INPP5E: variants seen among roughly 807,000 people sequenced by gnomAD.
INPP5E encodes phosphatidylinositol polyphosphate 5-phosphatase type IV.
A neutral mutation model predicts 50.5 loss-of-function variants in INPP5E; 34 were observed. The observed-to-expected ratio is 0.67, with a 90% confidence interval of 0.51 to 0.90. The LOEUF (loss-of-function observed/expected upper bound fraction) is 0.90. Among genes scored for constraint, INPP5E ranks in the 40% least tolerant of loss-of-function variants. The pLI is 0.00. For missense variants in INPP5E, 942 were observed against 905.5 expected (o/e 1.04, Z -0.52); for synonymous variants, 447 against 406.0 (o/e 1.10, Z -1.21).
intron 6 of INPP5E, 128 bp from the exon 7 acceptor site, chr9:136,432,113 C>T: frequency 8.5e-7 from 1 of 1,179,744 alleles, no homozygotes; most frequent in Non-Finnish European, 1.2e-6. Flanking sequence ...GGGGCCGGGC[C>T]CTCAGGGGTG....
Position 136,429,384 on chromosome 9 carries a change from G to C in INPP5E, c.*291C>G. ...GGAACGGATTCTGACGTCTGCCCCC[G>C]AGAGTGGCTGGGGTCCGTGGTGCTG... On this transcript the variant is annotated 3_prime_UTR_variant, in exon 10 of 10. Coordinates refer to ENST00000371712, the MANE Select transcript of INPP5E (RefSeq NM_019892.6). 1 of 518,004 alleles carries C rather than the reference G, an allele frequency of 1.9e-6. No homozygotes were observed. Among genetic ancestry groups the C allele is most frequent in the South Asian group, 2.0e-5 (1 of 50,088 alleles). 32.1% of individuals were successfully genotyped at this position (518,004 alleles called of 1,614,324 possible).
At position 136,439,679 on chromosome 9, in the gene INPP5E, C is replaced by T. The variant is rs1054701247; in HGVS notation, c.-260G>A. On this transcript the variant is annotated 5_prime_UTR_variant, in exon 1 of 10. Coordinates refer to ENST00000371712, the MANE Select transcript of INPP5E (RefSeq NM_019892.6). Reference sequence around the variant, plus strand: ...CCTGGGGGAACAGGCGGCTGGGCGCCTGTCGCGGGGGAGGTTCGACCCCGA... The same window carrying T: ...CCTGGGGGAACAGGCGGCTGGGCGCTTGTCGCGGGGGAGGTTCGACCCCGA... 3 of 330,318 alleles carry T rather than the reference C, an allele frequency of 9.1e-6. No individual in the cohort carries two copies. The highest frequency in any genetic ancestry group is 1.6e-5 in the Non-Finnish European group (3 of 182,736). The allele number at this position is 330,318 out of a possible 1,614,324, so 20.5% of individuals were successfully genotyped here. A position where few individuals can be genotyped will look rare whatever the true frequency, so the allele number is the denominator to read the frequency against.
Position 136,439,147 on chromosome 9 carries a change from C to A in INPP5E, c.273G>T (p.Trp91Cys). ...GGCTGCCTCGAAAACGCCTCCTCCT[C>A]CAGCCCTTGTCGTCCAGGGACAGGG... ...ERALSLDDKGWRRRRFRGSQE... is the reference protein window; with the variant it reads ...ERALSLDDKGCRRRRFRGSQE... Residue 91 changes from tryptophan to cysteine, a missense_variant, in exon 1 of 10, where the codon TGG becomes TGT. By Grantham distance (215) the Trp-to-Cys change is radical. Transcript: ENST00000371712. The A allele has an allele frequency of 1.9e-6, 3 of 1,578,754 alleles. No individual in the cohort carries two copies. The highest frequency in any genetic ancestry group is 2.6e-6 in the Non-Finnish European group (3 of 1,167,048).
Position 136,438,714 on chromosome 9 carries a change from G to A in INPP5E, c.706C>T (p.Pro236Ser). The change falls in exon 1 of 10, where the codon CCC becomes TCC. Residue 236 changes from proline to serine, a missense_variant. Coordinates refer to ENST00000371712, the MANE Select transcript of INPP5E (RefSeq NM_019892.6). The stretch of plus-strand genomic sequence containing the variant: ...GCCAGGGGGCTCCGCGGCCGGCCGG[G>A]GCCCAGGCTGCTGTGGGCCCGCACC... ...LLVRAHSSLG[P>S]GRPRSPLACD... 1 of 1,607,312 alleles carries A rather than the reference G, an allele frequency of 6.2e-7. No individual in the cohort carries two copies. Among genetic ancestry groups the A allele is most frequent in the South Asian group, 1.1e-5 (1 of 90,510 alleles).
Position 136,438,777 on chromosome 9 carries a change from C to T in INPP5E, c.643G>A (p.Asp215Asn), listed in dbSNP as rs1835903155. 1.9e-6 allele frequency: 3 copies of T among 1,611,996 alleles called. No individual in the cohort carries two copies. The highest frequency in any genetic ancestry group is 2.2e-5 in the East Asian group (1 of 44,864). ...SLRTANKVDS[D>N]LADYKLRAQP... ...GCGCGGAGCTTGTAGTCTGCAAGAT[C>T]CGAGTCGACCTTGTTTGCTGTCCTC... Residue 215 changes from aspartate (D) to asparagine (N), a missense_variant, in exon 1 of 10, where the codon GAT (aspartate) becomes AAT (asparagine). Asp to Asn is a conservative substitution (Grantham distance 23). Transcript: ENST00000371712.
At chr9:136,435,007 G>A (rs775726240) in intron 1 of INPP5E, 144 bp from the exon 2 acceptor site, 7 of 1,006,926 alleles carry the variant, frequency 7.0e-6, no homozygotes, top group East Asian at 5.2e-5. Flanking sequence ...TGGCCCCCGC[G>A]GCACTGCTGT....
intron 2 of INPP5E, 71 bp downstream of exon 2, chr9:136,434,669 C>T (rs377313870): frequency 8.4e-6 from 13 of 1,548,022 alleles, no homozygotes; most frequent in East Asian, 4.8e-5. Flanking sequence ...AGAGCTGCCC[C>T]GTCCCCCTCA....
At position 136,438,972 on chromosome 9, in the gene INPP5E, C is replaced by G. The variant is rs1301004362; in HGVS notation, c.448G>C (p.Glu150Gln). The change falls in exon 1 of 10, where the codon GAG (glutamate) becomes CAG (glutamine). Residue 150 changes from glutamate (E) to glutamine (Q), a missense_variant. By Grantham distance (29) the Glu-to-Gln change is conservative. Coordinates refer to ENST00000371712, the MANE Select transcript of INPP5E (RefSeq NM_019892.6). ...IPKSRGVLSS[E>Q]RGSPSSGGNP... ...CCCCCCGAGGACGGGCTCCCTCTCTCACTGCTCAGGACCCCGCGGGACTTG... is the reference window on the plus strand; with the variant it reads ...CCCCCCGAGGACGGGCTCCCTCTCTGACTGCTCAGGACCCCGCGGGACTTG... The G allele has an allele frequency of 6.3e-7, 1 of 1,578,866 alleles. No individual in the cohort carries two copies. Among genetic ancestry groups the G allele is most frequent in the Non-Finnish European group, 8.6e-7 (1 of 1,162,896 alleles).
At position 136,430,899 on chromosome 9, in the gene INPP5E, CA is replaced by C. The variant is rs1835683075; in HGVS notation, c.1665+102del. On this transcript the variant is annotated intron_variant, in intron 8 of 9. Coordinates refer to ENST00000371712, the MANE Select transcript of INPP5E (RefSeq NM_019892.6). The stretch of plus-strand genomic sequence containing the variant: ...AAGGTGCAGAGCTGAGTTTCAAGTC[CA>C]GGCCGTCCAGGCTCAGACCCCTGAC... 1.3e-5 allele frequency: 11 copies of C among 834,042 alleles called. No homozygotes were observed. In the South Asian group the frequency reaches 1.4e-4, roughly 11 times the overall value. 51.7% of individuals were successfully genotyped at this position (834,042 alleles called of 1,614,324 possible). A position where few individuals can be genotyped will look rare whatever the true frequency, so the allele number is the denominator to read the frequency against.
chr9:136,434,729 C>T lies in INPP5E; in HGVS notation c.936+11G>A. The T allele has an allele frequency of 6.2e-7, 1 of 1,608,596 alleles. No individual in the cohort carries two copies. Among genetic ancestry groups the T allele is most frequent in the East Asian group, 2.2e-5 (1 of 44,780 alleles). Reference sequence around the variant, plus strand: ...ACCCTTCCCCGCCCAGCACCACCCACAGCCACTCACCTTCTGGCCCTGCAT... The same window carrying T: ...ACCCTTCCCCGCCCAGCACCACCCATAGCCACTCACCTTCTGGCCCTGCAT... On this transcript the variant is annotated intron_variant, in intron 2 of 9. Coordinates refer to ENST00000371712, the MANE Select transcript of INPP5E (RefSeq NM_019892.6).
At position 136,439,140 on chromosome 9, in the gene INPP5E, T is replaced by G. The variant is rs1835923579; in HGVS notation, c.280A>C (p.Arg94=). ...LSLDDKGWRR[R]RFRGSQEDLE... is the part of the protein sequence containing the mutation. ...TCCTCCTGGCTGCCTCGAAAACGCC[T>G]CCTCCTCCAGCCCTTGTCGTCCAGG... Residue 94 remains arginine, a synonymous_variant, in exon 1 of 10, where the codon AGG becomes CGG. Coordinates refer to ENST00000371712, the MANE Select transcript of INPP5E (RefSeq NM_019892.6). 3 of 1,582,030 alleles carry G rather than the reference T, an allele frequency of 1.9e-6. No individual in the cohort carries two copies. The highest frequency in any genetic ancestry group is 2.3e-5 in the East Asian group (1 of 43,560).
Position 136,431,050 on chromosome 9 carries a change from C to T in INPP5E, c.1617G>A (p.Gly539=). The T allele has an allele frequency of 1.9e-6, 3 of 1,613,356 alleles. No homozygotes were observed. The highest frequency in any genetic ancestry group is 1.1e-5 in the South Asian group (1 of 91,070). The change falls in exon 8 of 10, where the codon GGG becomes GGA. Residue 539 remains glycine, a synonymous_variant. Coordinates refer to ENST00000371712, the MANE Select transcript of INPP5E (RefSeq NM_019892.6). ...HFLPSYKFDI[G]KDTYDSTSKQ... is the part of the protein sequence containing the mutation. ...TGGAGGTGCTGTCGTACGTGTCCTT[C>T]CCGATGTCAAACTTGTATGATGGGA... is the stretch of plus-strand genomic sequence containing the variant.
At chr9:136,433,487 G>A (rs1835761364) in intron 3 of INPP5E, among the ~76,000 whole-genome samples, 1 of 152,152 alleles carries the variant, frequency 6.6e-6, no homozygotes, top group Admixed American at 6.5e-5. Flanking sequence ...CACTTGAGTG[G>A]CTCCCCTGGA....
In INPP5E at chr9:136,434,816, G is replaced by T; in HGVS notation, c.860C>A (p.Ala287Glu). 1 of 1,609,846 alleles carries T rather than the reference G, an allele frequency of 6.2e-7. No homozygotes were observed. The highest frequency in any genetic ancestry group is 8.5e-7 in the Non-Finnish European group (1 of 1,178,706). The change falls in exon 2 of 10, where the codon GCG (alanine) becomes GAG (glutamate). Residue 287 changes from alanine to glutamate, a missense_variant. Coordinates refer to ENST00000371712, the MANE Select transcript of INPP5E (RefSeq NM_019892.6). ...TGGGAAGTAGCGGGCCAGCTCATCC[G>T]CCCCCAACAGGGCCCCGCTGGCCAG... Reference protein sequence around the residue: ...SLLASGALLGADELARYFPDR... With the variant: ...SLLASGALLGEDELARYFPDR...
intron 1 of INPP5E, 110 bp from the exon 2 acceptor site, chr9:136,434,973 C>T: frequency 7.3e-7 from 1 of 1,372,020 alleles, no homozygotes; most frequent in South Asian, 1.3e-5. Context: ...AGGAGCTGCC[C>T]CCAGCCCCAA....
rs748011152 is a variant in INPP5E at position 136,438,874 on chromosome 9, C to A, written c.546G>T (p.Ser182=). 6.3e-7 allele frequency: 1 copy of A among 1,585,160 alleles called. No individual in the cohort carries two copies. The highest frequency in any genetic ancestry group is 8.6e-7 in the Non-Finnish European group (1 of 1,165,426). ...PHRDAAVAGS[S]PRLPSLLPPR... Reference sequence around the variant, plus strand: ...GGGGCAGCAGGCTGGGCAGCCTGGGCGAGCTCCCCGCCACGGCGGCGTCTC... The same window carrying A: ...GGGGCAGCAGGCTGGGCAGCCTGGGAGAGCTCCCCGCCACGGCGGCGTCTC... Residue 182 remains serine, a synonymous_variant, in exon 1 of 10, where the codon TCG becomes TCT. Transcript: ENST00000371712.
chr9:136,430,522 T>C, intron 8 of INPP5E, 109 bp from the exon 9 acceptor site: 1 of 1,333,402 alleles, frequency 7.5e-7, no homozygotes, highest in Non-Finnish European at 1.0e-6. Flanking sequence ...GGAAGCCTTC[T>C]GGGACCCCTG....
intron 1 of INPP5E, chr9:136,435,831 C>T (rs747217948): frequency 1.3e-5 from 2 of 152,202 alleles, no homozygotes; most frequent in African/African-American, 2.4e-5. Context: ...TTTACAGACA[C>T]TGAAATCTGA....
In INPP5E at chr9:136,431,913, G is replaced by C; in HGVS notation, c.1460C>G (p.Thr487Arg). Residue 487 changes from threonine to arginine, a missense_variant, in exon 7 of 10, where the codon ACA becomes AGA. Coordinates refer to ENST00000371712, the MANE Select transcript of INPP5E (RefSeq NM_019892.6). The stretch of plus-strand genomic sequence containing the variant: ...CTGGCACAGGAGGGCGTCCACGACT[G>C]TGCGCCCGCCACTCAGGCGGAAGTT... ...DFNFRLSGGR[T>R]VVDALLCQGL... 1.2e-6 allele frequency: 2 copies of C among 1,611,090 alleles called. No homozygotes were observed. The highest frequency in any genetic ancestry group is 1.7e-4 in the Middle Eastern group (1 of 6,060).
Sources: allele counts gnomAD v4.1 joint callset (sites outside exome capture counted in the v4.1 genomes callset), GRCh38; gene constraint gnomAD v4.1.1; transcripts MANE v1.5; gene names NCBI Gene and HGNC (gene_info 2026-07-23, HGNC 2026-07-21).